TMEM140: variants seen among roughly 807,000 people sequenced by gnomAD.
The protein encoded by TMEM140 is transmembrane protein 140.
For missense variants in TMEM140, 236 were observed against 228.5 expected, an observed-to-expected ratio of 1.03 and a Z score of -0.21; for synonymous variants, 107 against 106.8, an observed-to-expected ratio of 1.00 and a Z score of -0.01.
chr7:135,162,217 G>C (rs1259883696), intron 1 of TMEM140, among the ~76,000 whole-genome samples: 1 of 152,196 alleles, frequency 6.6e-6, no homozygotes, highest in African/African-American at 2.4e-5. Context: ...TGTTCCCCCA[G>C]AGGGGTCCCC....
At chr7:135,153,456 C>CAAAAAAAA in intron 1 of TMEM140, among the ~76,000 whole-genome samples, 1 of 81,346 alleles carries the variant, frequency 1.2e-5, no homozygotes. Context: ...TCCATCTCCA[C>CAAAAAAAA]AAAAAAAAAA....
At position 135,161,819 on chromosome 7, in the gene TMEM140, T is replaced by A. The variant is rs1406681777; in HGVS notation, c.-24-2599T>A. Among the ~76,000 whole-genome samples the A allele has an allele frequency of 2.0e-5, 3 of 152,216 alleles. No individual in the cohort carries two copies. The highest frequency in any genetic ancestry group is 1.3e-4 in the Admixed American group (2 of 15,284). The stretch of plus-strand genomic sequence containing the variant: ...CCAAGGCAGCAGCCAGGGCTTCTGC[T>A]GGGACAGCCCCTCACTCCTCCACTC... On this transcript the variant is annotated intron_variant, in intron 1 of 1. Transcript: ENST00000275767. This position sits in a 1 kb window ranked among gnomAD's most constrained non-coding sequence, Gnocchi z 4.1.
chr7:135,163,154 C>A (rs1829990629), intron 1 of TMEM140, among the ~76,000 whole-genome samples: 1 of 152,150 alleles, frequency 6.6e-6, no homozygotes, highest in Non-Finnish European at 1.5e-5. Context: ...AACTATTGCA[C>A]AGCCATTGAT....
intron 1 of TMEM140, among the ~76,000 whole-genome samples, 156 bp from the exon 2 acceptor site, chr7:135,164,262 G>A (rs1830023110): frequency 6.6e-6 from 1 of 152,198 alleles, no homozygotes; most frequent in Non-Finnish European, 1.5e-5. Context: ...GGTCCTGGCA[G>A]GAGGTTACCT....
At chr7:135,153,481 AAAAACTC>A (rs1829713072) in intron 1 of TMEM140, among the ~76,000 whole-genome samples, 1 of 143,766 alleles carries the variant, frequency 7.0e-6, no homozygotes, top group Non-Finnish European at 1.5e-5. Flanking sequence ...AAAAAAGTCT[AAAAACTC>A]TAAAAACAGC....
intron 1 of TMEM140, among the ~76,000 whole-genome samples, chr7:135,163,849 T>TCAC (rs1830011761): frequency 6.6e-6 from 1 of 152,178 alleles, no homozygotes; most frequent in Admixed American, 6.5e-5. Context: ...TGACCCAGGC[T>TCAC]CACCTTCGAA....
chr7:135,163,173 T>C (rs573411337), intron 1 of TMEM140, among the ~76,000 whole-genome samples: 8 of 152,366 alleles, frequency 5.3e-5, no homozygotes, highest in African/African-American at 1.7e-4. Context: ...ATCATGTTTT[T>C]GAAGAATATT....
chr7:135,152,150 T>C (rs970259688), intron 1 of TMEM140, among the ~76,000 whole-genome samples: 4 of 152,244 alleles, frequency 2.6e-5, no homozygotes, highest in African/African-American at 9.6e-5. Context: ...ATTAAAGCCA[T>C]TTTACAGATG....
chr7:135,165,240 A>C lies in TMEM140; in HGVS notation c.*241A>C. ...TCCAAGGCTCCCAAAGACTCCCTAA[A>C]CCATGCAGCTCATTGTCACACCAAT... is the stretch of plus-strand genomic sequence containing the variant. On this transcript the variant is annotated 3_prime_UTR_variant, in exon 2 of 2. Coordinates refer to ENST00000275767, the MANE Select transcript of TMEM140 (RefSeq NM_018295.5). 4.3e-6 allele frequency: 2 copies of C among 464,576 alleles called. No homozygotes were observed. Among genetic ancestry groups the C allele is most frequent in the South Asian group, 4.7e-5 (1 of 21,482 alleles). The allele number at this position is 464,576 out of a possible 1,614,324, so 28.8% of individuals were successfully genotyped here.
At chr7:135,163,086 T>C (rs1475806465) in intron 1 of TMEM140, among the ~76,000 whole-genome samples, 9 of 152,228 alleles carry the variant, frequency 5.9e-5, no homozygotes, top group Non-Finnish European at 5.9e-5. Context: ...TCTTCACTTA[T>C]AATGGTGAAA....
chr7:135,156,813 TG>T (rs1196283661), intron 1 of TMEM140, among the ~76,000 whole-genome samples: 1 of 152,298 alleles, frequency 6.6e-6, no homozygotes, highest in East Asian at 1.9e-4. Context: ...CAACTTGAAT[TG>T]TAGCTCCCAT....
chr7:135,155,251 A>G (rs1829761841), intron 1 of TMEM140, among the ~76,000 whole-genome samples: 1 of 152,144 alleles, frequency 6.6e-6, no homozygotes. Context: ...GTTTCTTGTA[A>G]GCAGCATGGA....
rs1829929124 is a variant in TMEM140, at chr7:135,161,247, G to C, written c.-24-3171G>C. ...AAACAAAGGCTCCTGGCGTCTGGCAGGAGCTGCCGCAAGGTGGCTGATGCA... is the reference window on the plus strand; with the variant it reads ...AAACAAAGGCTCCTGGCGTCTGGCACGAGCTGCCGCAAGGTGGCTGATGCA... On this transcript the variant is annotated intron_variant, in intron 1 of 1. Coordinates refer to ENST00000275767, the MANE Select transcript of TMEM140 (RefSeq NM_018295.5). This position sits in a 1 kb window ranked among gnomAD's most constrained non-coding sequence, Gnocchi z 4.1. Among the ~76,000 whole-genome samples the C allele has an allele frequency of 6.6e-6, 1 of 152,238 alleles. No individual in the cohort carries two copies.
chr7:135,164,966 T>A lies in TMEM140; in HGVS notation c.525T>A (p.Ala175=). The A allele has an allele frequency of 6.2e-7, 1 of 1,604,118 alleles. No individual in the cohort carries two copies. Among genetic ancestry groups the A allele is most frequent in the Non-Finnish European group, 8.5e-7 (1 of 1,173,220 alleles). Residue 175 remains alanine (A), a synonymous_variant, in exon 2 of 2, where the codon GCT becomes GCA. Transcript: ENST00000275767. ...LIAMAVFPLR[A]ERAESKLESC is the part of the protein sequence containing the mutation. Reference sequence around the variant, plus strand: ...CCATGGCTGTGTTCCCTCTGAGGGCTGAGAGGGCTGAGAGCAAGCTTGAGA... The same window carrying A: ...CCATGGCTGTGTTCCCTCTGAGGGCAGAGAGGGCTGAGAGCAAGCTTGAGA...
At chr7:135,160,375 T>C (rs1025287528) in intron 1 of TMEM140, among the ~76,000 whole-genome samples, 1 of 152,210 alleles carries the variant, frequency 6.6e-6, no homozygotes, top group Non-Finnish European at 1.5e-5. Flanking sequence ...TAAAAGCTCA[T>C]TGTGGTGGAA....
At chr7:135,158,864 AG>A (rs913725294) in intron 1 of TMEM140, among the ~76,000 whole-genome samples, 6 of 152,186 alleles carry the variant, frequency 3.9e-5, no homozygotes, top group African/African-American at 1.4e-4. Flanking sequence ...CCCAGTATCT[AG>A]GCTCTCAAAA....
At chr7:135,163,359 T>C (rs776311344) in intron 1 of TMEM140, among the ~76,000 whole-genome samples, 12 of 152,206 alleles carry the variant, frequency 7.9e-5, no homozygotes, top group Non-Finnish European at 1.6e-4. Context: ...AAATATCTTC[T>C]GGCCAGGCAT....
chr7:135,164,370 G>A, intron 1 of TMEM140, 48 bp from the exon 2 acceptor site: 1 of 1,439,766 alleles, frequency 6.9e-7, no homozygotes, highest in East Asian at 2.3e-5. Context: ...TCTGGACACA[G>A]GGAACAAGCA....
At chr7:135,164,260 CAGG>C in intron 1 of TMEM140, among the ~76,000 whole-genome samples, 155 bp from the exon 2 acceptor site, 1 of 152,286 alleles carries the variant, frequency 6.6e-6, no homozygotes, top group Middle Eastern at 3.4e-3. Context: ...TAGGTCCTGG[CAGG>C]AGGTTACCTC....
Sources: allele counts gnomAD v4.1 joint callset (sites outside exome capture counted in the v4.1 genomes callset), GRCh38; gene constraint gnomAD v4.1.1; non-coding constraint Gnocchi (gnomAD v3.1); transcripts MANE v1.5; gene names NCBI Gene and HGNC (gene_info 2026-07-23, HGNC 2026-07-21).